The following OPCML variants were observed in gnomAD, a reference collection of about 807,000 sequenced individuals.
The protein encoded by OPCML is opioid binding protein/cell adhesion molecule like.
In OPCML, 13 loss-of-function variants were observed where a neutral mutation model predicts 37.8. The observed-to-expected ratio is 0.34, with a 90% CI of 0.22 to 0.55. The LOEUF (loss-of-function observed/expected upper bound fraction) is 0.55. Among genes scored for constraint, OPCML ranks in the 20% least tolerant of loss-of-function variants. The pLI is 0.91. For synonymous variants in OPCML, 176 were observed against 168.8 expected (o/e 1.04, Z -0.33); for missense variants, 341 against 435.6 (o/e 0.78, Z 1.93).
At chr11:132,516,973 G>T (rs367771232) in intron 4 of OPCML, among the ~76,000 whole-genome samples, 172 of 152,150 alleles carry the variant, frequency 1.1e-3, no homozygotes, top group South Asian at 7.5e-3. Flanking sequence ...GAGACAGTGG[G>T]CTTGAAAAGT....
intron 1 of OPCML, among the ~76,000 whole-genome samples, chr11:133,490,370 T>C (rs745335168): frequency 6.6e-6 from 1 of 152,228 alleles, no homozygotes; most frequent in African/African-American, 2.4e-5. Context: ...CATGCAGATA[T>C]ACTTGAACAT....
At chr11:132,694,900 T>TAGAAG (rs112000659) in intron 2 of OPCML, among the ~76,000 whole-genome samples, 78,301 of 151,474 alleles carry the variant, frequency 0.52, 20,356 homozygotes, top group Admixed American at 0.57. Flanking sequence ...TGGCAAGACT[T>TAGAAG]AGAAACTATA....
chr11:133,229,077 A>G (rs1342652535), intron 1 of OPCML, among the ~76,000 whole-genome samples: 2 of 152,202 alleles, frequency 1.3e-5, no homozygotes, highest in African/African-American at 2.4e-5. Flanking sequence ...GGCCCAGCAC[A>G]GAAGCAGGCC....
At chr11:133,007,377 G>A in intron 1 of OPCML, 1 of 985,444 alleles carries the variant, frequency 1.0e-6, no homozygotes, top group Non-Finnish European at 1.2e-6. Flanking sequence ...CAGCCACAGA[G>A]CAGATACTTG....
chr11:133,452,480 G>C (rs911920509), intron 1 of OPCML, among the ~76,000 whole-genome samples: 1 of 151,260 alleles, frequency 6.6e-6, no homozygotes, highest in East Asian at 1.9e-4. Flanking sequence ...TATGATAGCA[G>C]ATAGTCTGGT....
intron 4 of OPCML, among the ~76,000 whole-genome samples, chr11:132,511,688 G>A (rs2096269154): frequency 6.6e-6 from 1 of 151,996 alleles, no homozygotes; most frequent in African/African-American, 2.4e-5. Flanking sequence ...TGGATTAACT[G>A]TAGAGCTGTA....
chr11:133,368,662 C>A (rs1267051493), intron 1 of OPCML, among the ~76,000 whole-genome samples: 1 of 152,168 alleles, frequency 6.6e-6, no homozygotes, highest in Non-Finnish European at 1.5e-5. Context: ...TCTACATGTT[C>A]CCATAAATAT....
At chr11:133,188,984 T>C (rs1228904321) in intron 1 of OPCML, among the ~76,000 whole-genome samples, 5 of 152,162 alleles carry the variant, frequency 3.3e-5, no homozygotes, top group South Asian at 2.1e-4. Context: ...ACAAACTCTG[T>C]ATATTCAGAA....
At chr11:132,425,103 T>C (rs1254017483) in intron 7 of OPCML, among the ~76,000 whole-genome samples, 1 of 152,182 alleles carries the variant, frequency 6.6e-6, no homozygotes, top group Non-Finnish European at 1.5e-5. Context: ...TTGGGAAATG[T>C]TGAAGTCGTT....
rs192024271 is a variant in OPCML, at chr11:133,229,522, G to T, written c.62-286512C>A. 3.3e-5 allele frequency among the ~76,000 whole-genome samples: 5 copies of T among 151,968 alleles called. No individual in the cohort carries two copies. The East Asian group carries it at 7.7e-4, about 23-fold the overall frequency. ...GAAGCAGAAAAATGAACAATTTAAA[G>T]GATTAAAAAAGAAAAGGGCTCCCAA... On this transcript the variant is annotated intron_variant, in intron 1 of 7. Coordinates refer to ENST00000524381, the MANE Select transcript of OPCML (RefSeq NM_001012393.5).
In OPCML at chr11:133,455,740, T is replaced by G. The variant is rs182013103; in HGVS notation, c.61+76524A>C. Among the ~76,000 whole-genome samples, 509 of 152,192 alleles carry G rather than the reference T, an allele frequency of 3.3e-3. 11 individuals carry two copies. The highest frequency in any genetic ancestry group is 0.032 in the Admixed American group (483 of 15,278). On this transcript the variant is annotated intron_variant, in intron 1 of 7. Transcript: ENST00000524381. ...CACCCTTGTTTCCCCACTGAAACAT[T>G]AAATAAAATATCTGCAGATATACTA...
At chr11:133,449,971 G>A (rs1946548404) in intron 1 of OPCML, among the ~76,000 whole-genome samples, 2 of 151,684 alleles carry the variant, frequency 1.3e-5, no homozygotes, top group African/African-American at 2.4e-5. Context: ...TATAAAGGCT[G>A]TTTATGGGGA....
intron 2 of OPCML, among the ~76,000 whole-genome samples, chr11:132,826,496 A>C (rs754237739): frequency 7.2e-5 from 11 of 152,294 alleles, no homozygotes; most frequent in Non-Finnish European, 4.4e-5. Context: ...AGGTGAAAAA[A>C]ATGTGAAAGG....
At chr11:133,170,499 A>C (rs1444642140) in intron 1 of OPCML, among the ~76,000 whole-genome samples, 1 of 149,364 alleles carries the variant, frequency 6.7e-6, no homozygotes, top group Non-Finnish European at 1.5e-5. Context: ...CACACAAACA[A>C]AAAAGGATAT....
intron 1 of OPCML, among the ~76,000 whole-genome samples, chr11:133,384,204 G>A (rs1345737241): frequency 7.7e-6 from 1 of 130,436 alleles, no homozygotes; most frequent in African/African-American, 3.0e-5. Context: ...TTTCCCAACG[G>A]CCACCCAGAT....
intron 1 of OPCML, among the ~76,000 whole-genome samples, chr11:133,280,993 C>T (rs1942135404): frequency 6.6e-6 from 1 of 152,152 alleles, no homozygotes. Context: ...AAGATTATCC[C>T]AACCTGGTAG....
intron 3 of OPCML, among the ~76,000 whole-genome samples, chr11:132,630,856 A>G (rs1940058291): frequency 6.6e-6 from 1 of 152,182 alleles, no homozygotes; most frequent in South Asian, 2.1e-4. Context: ...AAAAACCTGG[A>G]AACAACTCAA....
chr11:132,839,121 C>T (rs1941173762), intron 2 of OPCML, among the ~76,000 whole-genome samples: 1 of 152,192 alleles, frequency 6.6e-6, no homozygotes, highest in Non-Finnish European at 1.5e-5. Flanking sequence ...GAGGAGACAT[C>T]CACTTGTATT....
At chr11:133,119,068 A>T (rs2137111033) in intron 1 of OPCML, among the ~76,000 whole-genome samples, 1 of 152,312 alleles carries the variant, frequency 6.6e-6, no homozygotes, top group South Asian at 2.1e-4. Context: ...TAAATAGCAC[A>T]TCATGCCAGC....
Sources: gnomAD v4.1 joint callset for allele counts (sites outside exome capture counted in the v4.1 genomes callset) on GRCh38, gnomAD v4.1.1 for gene constraint, MANE v1.5 for transcripts, NCBI Gene and HGNC (gene_info 2026-07-23, HGNC 2026-07-21) for gene names.